The following PPFIBP2 variants were observed in gnomAD, a reference collection of about 807,000 sequenced individuals.
PPFIBP2 encodes the protein PPFIB scaffold protein 2, also known as liprin-beta-2.
Under a neutral mutation model 118.3 loss-of-function variants are expected in PPFIBP2, and 118 were observed. The ratio of observed to expected loss-of-function variants is 1.00; its 90% confidence interval spans 0.86 to 1.16. The LOEUF is 1.16. Among genes scored for constraint, PPFIBP2 ranks in the 50% most tolerant of loss-of-function variants. The pLI is 0.00. For synonymous variants in PPFIBP2, 414 were observed against 397.4 expected, an observed-to-expected ratio of 1.04 and a Z score of -0.50; for missense variants, 1,195 against 1,073.1, an observed-to-expected ratio of 1.11 and a Z score of -1.59.
chr11:7,543,956 T>TTTG (rs1375054869), intron 1 of PPFIBP2, among the ~76,000 whole-genome samples: 2 of 152,184 alleles, frequency 1.3e-5, no homozygotes, highest in Admixed American at 1.3e-4. Context: ...TACCTTGCCA[T>TTTG]TCTAAAACAT....
the PPFIBP2 span, chr11:7,665,115 T>G: frequency 3.0e-6 from 1 of 338,014 alleles, no homozygotes; most frequent in Admixed American, 4.5e-5. Flanking sequence ...GCTTTGTACT[T>G]GAGTTTATTT....
At chr11:7,568,067 G>T (rs995237002) in intron 3 of PPFIBP2, among the ~76,000 whole-genome samples, 1 of 152,188 alleles carries the variant, frequency 6.6e-6, no homozygotes, top group African/African-American at 2.4e-5. Context: ...TTGCATATTT[G>T]CTCCCTTCTC....
chr11:7,568,571 C>T (rs918959751), intron 3 of PPFIBP2, among the ~76,000 whole-genome samples: 1 of 152,168 alleles, frequency 6.6e-6, no homozygotes, highest in African/African-American at 2.4e-5. Context: ...GCAAGGGAGG[C>T]TGGGAAAGCA....
At chr11:7,583,958 A>G (rs1291700663) in intron 3 of PPFIBP2, among the ~76,000 whole-genome samples, 2 of 152,254 alleles carry the variant, frequency 1.3e-5, no homozygotes, top group African/African-American at 2.4e-5. Flanking sequence ...TCAATCATTC[A>G]AATGGTGCCT....
chr11:7,563,550 G>A (rs1854591064), intron 2 of PPFIBP2, among the ~76,000 whole-genome samples: 1 of 152,152 alleles, frequency 6.6e-6, no homozygotes, highest in Non-Finnish European at 1.5e-5. Flanking sequence ...TGCCTGGCAA[G>A]GAGGAGGTTG....
chr11:7,582,167 C>A (rs528772016), intron 3 of PPFIBP2, among the ~76,000 whole-genome samples: 1 of 152,248 alleles, frequency 6.6e-6, no homozygotes, highest in East Asian at 1.9e-4. Flanking sequence ...GCTTAGGAAG[C>A]ACTTTATAAG....
In PPFIBP2 at chr11:7,650,926, ACCCAATCTT is replaced by A; in HGVS notation, c.2210_2218del (p.Pro737_Leu739del). 8.7e-6 allele frequency: 14 copies of A among 1,614,080 alleles called. No individual in the cohort carries two copies. Among genetic ancestry groups the A allele is most frequent in the African/African-American group, 1.3e-5 (1 of 75,054 alleles). ...GATCTGTGGACCTGGCAGAGTATGCACCCAATCTTCGAGGGAGTGGAGTCCATGGAGGCC... is the reference window on the plus strand; with the variant it reads ...GATCTGTGGACCTGGCAGAGTATGCACGAGGGAGTGGAGTCCATGGAGGCC... On this transcript the variant is annotated inframe_deletion, in exon 22 of 24. Transcript: ENST00000299492.
At chr11:7,552,262 G>A (rs80282780) in intron 2 of PPFIBP2, among the ~76,000 whole-genome samples, 14,328 of 152,250 alleles carry the variant, frequency 0.094, 735 homozygotes, top group South Asian at 0.15. Flanking sequence ...TGCCTGTGTT[G>A]ACATGCGTAA....
In PPFIBP2 at chr11:7,516,062, C is replaced by A. The variant is rs922696518; in HGVS notation, c.-37+1941C>A. Among the ~76,000 whole-genome samples, 4 of 152,200 alleles carry A rather than the reference C, an allele frequency of 2.6e-5. No individual in the cohort carries two copies. The South Asian group carries it at 8.3e-4, about 31-fold the overall frequency. ...GTAGCAGTTTGCAAACCTGGCTATG[C>A]CTCATAATCGCCTGGGGAGTTTTGT... is the stretch of plus-strand genomic sequence containing the variant. On this transcript the variant is annotated intron_variant, in intron 1 of 23. Transcript: ENST00000299492.
chr11:7,610,424 T>G lies in PPFIBP2; in HGVS notation c.618+2T>G, dbSNP rs763986531. ...GAGGAGAAGCAGAGAAAAGCAGAGG[T>G]AAGGGTGAGTGTGTACTGTCCTAAG... On this transcript the variant is annotated splice_donor_variant, in intron 6 of 23. Transcript: ENST00000299492. LOFTEE classifies it high-confidence loss of function. The G allele has an allele frequency of 1.2e-5, 20 of 1,612,992 alleles. No homozygotes were observed. The highest frequency in any genetic ancestry group is 1.7e-4 in the Middle Eastern group (1 of 5,992).
chr11:7,628,286 C>T lies in PPFIBP2; in HGVS notation c.828C>T (p.Asp276=). The change falls in exon 9 of 24, where the codon GAC becomes GAT. Residue 276 remains aspartate, a splice_region_variant and synonymous_variant. Coordinates refer to ENST00000299492, the MANE Select transcript of PPFIBP2 (RefSeq NM_003621.5). ...ATTTCTATACCTGAATTCTTTTAGA[C>T]CAAGAAATTCAACGTCTGAAAATGG... The part of the protein sequence containing the change: ...ALHSESHTER[D]QEIQRLKMGM... 2 of 1,613,028 alleles carry T rather than the reference C, an allele frequency of 1.2e-6. No individual in the cohort carries two copies. Among genetic ancestry groups the T allele is most frequent in the Non-Finnish European group, 1.7e-6 (2 of 1,179,226 alleles).
At chr11:7,516,862 G>C (rs752117815) in intron 1 of PPFIBP2, among the ~76,000 whole-genome samples, 33 of 152,126 alleles carry the variant, frequency 2.2e-4, no homozygotes, top group Admixed American at 3.3e-4. Flanking sequence ...GAAGGGAGGA[G>C]TTACTCATCT....
At chr11:7,636,348 G>A (rs753444918) in intron 14 of PPFIBP2, among the ~76,000 whole-genome samples, 6 of 152,082 alleles carry the variant, frequency 3.9e-5, no homozygotes, top group Admixed American at 6.6e-5. Flanking sequence ...TTTTCTGCAC[G>A]TCTGCATCTA....
chr11:7,611,102 A>T (rs1848021684), intron 6 of PPFIBP2, among the ~76,000 whole-genome samples: 1 of 152,156 alleles, frequency 6.6e-6, no homozygotes, highest in South Asian at 2.1e-4. Flanking sequence ...TTATATTCAC[A>T]CCTAGCAATG....
At position 7,650,872 on chromosome 11, in the gene PPFIBP2, G is replaced by A; in HGVS notation, c.2154G>A (p.Trp718Ter). ...SNLSPSEVVQ[W>*]SNHRVMEWLR... Reference sequence around the variant, plus strand: ...TTTCTCCTTCAGAAGTTGTACAGTGGTCCAACCACAGGGTGATGGAGTGGT... The same window carrying A: ...TTTCTCCTTCAGAAGTTGTACAGTGATCCAACCACAGGGTGATGGAGTGGT... The change falls in exon 22 of 24, where the codon TGG (tryptophan) becomes TGA (stop). Residue 718 changes from tryptophan (W) to a stop codon, truncating the protein, a stop_gained. Coordinates refer to ENST00000299492, the MANE Select transcript of PPFIBP2 (RefSeq NM_003621.5). LOFTEE classifies it high-confidence loss of function. The A allele has an allele frequency of 6.2e-7, 1 of 1,614,010 alleles. No individual in the cohort carries two copies. Among genetic ancestry groups the A allele is most frequent in the South Asian group, 1.1e-5 (1 of 91,076 alleles).
At chr11:7,543,424 C>T (rs1229394897) in intron 1 of PPFIBP2, among the ~76,000 whole-genome samples, 1 of 152,122 alleles carries the variant, frequency 6.6e-6, no homozygotes, top group Non-Finnish European at 1.5e-5. Flanking sequence ...TTGGCTGAGG[C>T]CTCCTTCCCC....
rs761184792 is a variant in PPFIBP2 at position 7,650,947 on chromosome 11, A to C, written c.2229A>C (p.Gly743=). The change falls in exon 22 of 24, where the codon GGA becomes GGC. Residue 743 remains glycine (G), a synonymous_variant. Transcript: ENST00000299492. ...ATGCACCCAATCTTCGAGGGAGTGG[A>C]GTCCATGGAGGCCTCATTGTGAGTG... ...AEYAPNLRGS[G]VHGGLIILEP... is the part of the protein sequence containing the mutation. The C allele has an allele frequency of 4.2e-5, 67 of 1,613,676 alleles. No homozygotes were observed. The highest frequency in any genetic ancestry group is 5.6e-5 in the Non-Finnish European group (66 of 1,179,774).
At chr11:7,581,988 C>A (rs796069764) in intron 3 of PPFIBP2, among the ~76,000 whole-genome samples, 1 of 152,110 alleles carries the variant, frequency 6.6e-6, no homozygotes, top group East Asian at 1.9e-4. Flanking sequence ...AGGCATACAC[C>A]GCCATGCCCA....
chr11:7,598,864 T>G (rs1860885284), intron 5 of PPFIBP2, among the ~76,000 whole-genome samples: 1 of 152,208 alleles, frequency 6.6e-6, no homozygotes, highest in African/African-American at 2.4e-5. Flanking sequence ...ATCTGGTGTT[T>G]GTTAGTTTTG....
Sources: gnomAD v4.1 joint callset for allele counts (sites outside exome capture counted in the v4.1 genomes callset) on GRCh38, gnomAD v4.1.1 for gene constraint, MANE v1.5 for transcripts, NCBI Gene and HGNC (gene_info 2026-07-23, HGNC 2026-07-21) for gene names.